DUSP8: variants seen among roughly 807,000 people sequenced by gnomAD.
DUSP8 encodes the protein dual specificity protein phosphatase 8.
Under a neutral mutation model 38.7 loss-of-function variants are expected in DUSP8, and 15 were observed. That is an observed-to-expected ratio of 0.39 (90% CI 0.26 to 0.60). The LOEUF is 0.60. Among genes scored for constraint, DUSP8 ranks in the 20% least tolerant of loss-of-function variants. The pLI is 0.56. For missense variants in DUSP8, 768 were observed against 915.0 expected, an observed-to-expected ratio of 0.84 and a Z score of 2.07; for synonymous variants, 458 against 433.9, an observed-to-expected ratio of 1.06 and a Z score of -0.69.
In DUSP8 at chr11:1,557,015, CG is replaced by C; in HGVS notation, c.1380del (p.Ala461ProfsTer14). 2 of 1,026,148 alleles carry C rather than the reference CG, an allele frequency of 1.9e-6. No homozygotes were observed. The highest frequency in any genetic ancestry group is 4.4e-5 in the South Asian group (1 of 22,536). The allele number at this position is 1,026,148 out of a possible 1,614,324, so 63.6% of individuals were successfully genotyped here. ...RPRPRRRPRP[P>X]AGSPARSPAH... Reference sequence around the variant, plus strand: ...GCGGGGGAGCGCGCGGGGGAGCCGGCGGGGGGCCGGGGCCGCCGGCGGGGCC... The same window carrying C: ...GCGGGGGAGCGCGCGGGGGAGCCGGCGGGGGCCGGGGCCGCCGGCGGGGCC... On this transcript the variant is annotated frameshift_variant, in exon 7 of 7. Transcript: ENST00000397374. LOFTEE classifies it high-confidence loss of function. This position sits in a 1 kb window ranked among gnomAD's most constrained non-coding sequence, Gnocchi z 9.9.
At chr11:1,563,139 CAGA>C (rs1261729806) in intron 3 of DUSP8, among the ~76,000 whole-genome samples, 2 of 152,140 alleles carry the variant, frequency 1.3e-5, no homozygotes, top group African/African-American at 4.8e-5. Flanking sequence ...AGAGGCCAGG[CAGA>C]AGGAGCCTGG....
chr11:1,568,581 G>T, intron 1 of DUSP8, among the ~76,000 whole-genome samples: 1 of 152,308 alleles, frequency 6.6e-6, no homozygotes, highest in East Asian at 1.9e-4. Context: ...CCACCACCAT[G>T]GAGCAGGCTC....
chr11:1,563,814 A>C (rs1264559348), intron 3 of DUSP8, 37 bp downstream of exon 3: 1 of 1,446,078 alleles, frequency 6.9e-7, no homozygotes, highest in Non-Finnish European at 9.2e-7. Context: ...CTGCTGGCGG[A>C]GCAAGTGCCT....
At chr11:1,569,677 C>T (rs528096180) in intron 1 of DUSP8, among the ~76,000 whole-genome samples, 2 of 152,232 alleles carry the variant, frequency 1.3e-5, no homozygotes, top group East Asian at 3.9e-4. Flanking sequence ...GAGTCCCAGG[C>T]CACCCCCAGC....
chr11:1,570,342 C>G (rs1413789423), intron 1 of DUSP8, among the ~76,000 whole-genome samples: 3 of 152,164 alleles, frequency 2.0e-5, no homozygotes, highest in Non-Finnish European at 4.4e-5. Context: ...TCAGCGGGTG[C>G]AGTTCTCATG....
Position 1,557,459 on chromosome 11 carries a change from G to A in DUSP8, c.937C>T (p.Pro313Ser). ...GGCGGAGGCTCCGGCGTCCCTGAGG[G>A]GGTGCCCGGGTCGCCCTGCAGGGCG... Reference protein sequence around the residue: ...LAALQGDPGTPSGTPEPPPSP... With the variant: ...LAALQGDPGTSSGTPEPPPSP... The change falls in exon 7 of 7, where the codon CCC becomes TCC. Residue 313 changes from proline to serine, a missense_variant. Coordinates refer to ENST00000397374, the MANE Select transcript of DUSP8 (RefSeq NM_004420.3). The surrounding 1 kb of genome is among the most constrained non-coding windows in gnomAD (Gnocchi z 9.9). The A allele has an allele frequency of 1.3e-6, 2 of 1,563,370 alleles. No homozygotes were observed. Among genetic ancestry groups the A allele is most frequent in the South Asian group, 1.2e-5 (1 of 85,656 alleles).
At chr11:1,559,188 GC>G in intron 3 of DUSP8, 133 bp from the exon 4 acceptor site, 1 of 880,046 alleles carries the variant, frequency 1.1e-6, no homozygotes, top group Non-Finnish European at 1.6e-6. Context: ...CCGAGCCTGA[GC>G]CCAGCCGGCA....
At chr11:1,569,620 C>T (rs76162355) in intron 1 of DUSP8, among the ~76,000 whole-genome samples, 6,773 of 152,232 alleles carry the variant, frequency 0.044, 191 homozygotes, top group Middle Eastern at 0.092. Flanking sequence ...CCACACCCAG[C>T]GTCTCTGTGC....
rs1038375867 is a variant in DUSP8, at chr11:1,566,002, C to T, written c.-108-68G>A. ...GGTGGCACCCAGAAGCTCCCCAGGA[C>T]AGATCAGAGCTGGGAGCTGCGCCCA... On this transcript the variant is annotated intron_variant, in intron 1 of 6. Coordinates refer to ENST00000397374, the MANE Select transcript of DUSP8 (RefSeq NM_004420.3). 6.6e-6 allele frequency: 4 copies of T among 602,626 alleles called. No homozygotes were observed. In the South Asian group the frequency reaches 7.9e-5, roughly 12 times the overall value. The allele number at this position is 602,626 out of a possible 1,614,324, so 37.3% of individuals were successfully genotyped here. A position where few individuals can be genotyped will look rare whatever the true frequency, so the allele number is the denominator to read the frequency against.
Position 1,557,070 on chromosome 11 carries a change from G to C in DUSP8, c.1326C>G (p.Ser442Arg), listed in dbSNP as rs1172727312. 8.1e-7 allele frequency: 1 copy of C among 1,227,922 alleles called. No homozygotes were observed. Among genetic ancestry groups the C allele is most frequent in the African/African-American group, 1.6e-5 (1 of 62,302 alleles). 76.1% of individuals were successfully genotyped at this position (1,227,922 alleles called of 1,614,324 possible). ...ALGLSSPSPD[S>R]PDAAPEARPR... The stretch of plus-strand genomic sequence containing the variant: ...GGCGCGCCTCAGGCGCGGCGTCCGG[G>C]CTGTCCGGGCTGGGCGAGGACAGGC... Residue 442 changes from serine (S) to arginine (R), a missense_variant, in exon 7 of 7, where the codon AGC becomes AGG. Ser to Arg is a moderately radical substitution (Grantham distance 110). Coordinates refer to ENST00000397374, the MANE Select transcript of DUSP8 (RefSeq NM_004420.3). The surrounding 1 kb of genome is among the most constrained non-coding windows in gnomAD (Gnocchi z 9.9).
Position 1,556,606 on chromosome 11 carries a change from A to G in DUSP8, c.1790T>C (p.Val597Ala), listed in dbSNP as rs1848628241. The stretch of plus-strand genomic sequence containing the variant: ...CTCCTCGCCGCGCGCGCGCCCCTCC[A>G]CCATGCCCTCCTCGAACTCCATCTG... ...SCQMEFEEGM[V>A]EGRARGEELA... The change falls in exon 7 of 7, where the codon GTG becomes GCG. Residue 597 changes from valine to alanine, a missense_variant. Coordinates refer to ENST00000397374, the MANE Select transcript of DUSP8 (RefSeq NM_004420.3). The surrounding 1 kb of genome is among the most constrained non-coding windows in gnomAD (Gnocchi z 5.2). 3 of 1,438,730 alleles carry G rather than the reference A, an allele frequency of 2.1e-6. No homozygotes were observed. The highest frequency in any genetic ancestry group is 2.7e-6 in the Non-Finnish European group (3 of 1,097,416). The allele number at this position is 1,438,730 out of a possible 1,614,324, so 89.1% of individuals were successfully genotyped here.
chr11:1,570,592 C>T (rs921373722), intron 1 of DUSP8, among the ~76,000 whole-genome samples: 7 of 151,758 alleles, frequency 4.6e-5, no homozygotes, highest in South Asian at 2.1e-4. Flanking sequence ...GAAGCCTCCC[C>T]GAGGACAGAG....
chr11:1,557,077 G>C lies in DUSP8; in HGVS notation c.1319C>G (p.Pro440Arg), dbSNP rs896347714. 1.6e-5 allele frequency: 20 copies of C among 1,263,282 alleles called. No homozygotes were observed. Among genetic ancestry groups the C allele is most frequent in the South Asian group, 2.3e-5 (1 of 43,292 alleles). 78.3% of individuals were successfully genotyped at this position (1,263,282 alleles called of 1,614,324 possible). The change falls in exon 7 of 7, where the codon CCG (proline) becomes CGG (arginine). Residue 440 changes from proline (P) to arginine (R), a missense_variant. By Grantham distance (103) the Pro-to-Arg change is moderately radical. Around this residue, in one of 3 missense-constraint regions of DUSP8, gnomAD observed 474 missense variants for 430.8 expected, o/e 1.10. Coordinates refer to ENST00000397374, the MANE Select transcript of DUSP8 (RefSeq NM_004420.3). This position sits in a 1 kb window ranked among gnomAD's most constrained non-coding sequence, Gnocchi z 9.9. ...CTCAGGCGCGGCGTCCGGGCTGTCC[G>C]GGCTGGGCGAGGACAGGCCCAGCGC... ...GAALGLSSPSPDSPDAAPEAR... is the reference protein window; with the variant it reads ...GAALGLSSPSRDSPDAAPEAR...
intron 3 of DUSP8, among the ~76,000 whole-genome samples, chr11:1,562,312 G>T (rs564968062): frequency 3.5e-4 from 54 of 152,260 alleles, no homozygotes; most frequent in African/African-American, 1.1e-3. Flanking sequence ...CCTCCAAGAA[G>T]AGTCTCCTGA....
intron 1 of DUSP8, among the ~76,000 whole-genome samples, chr11:1,568,362 T>G (rs1332122641): frequency 1.2e-4 from 10 of 86,196 alleles, no homozygotes; most frequent in African/African-American, 1.3e-4. Context: ...AGCTGCAGGG[T>G]GGTGGGCAGG....
chr11:1,562,785 A>G (rs1248600070), intron 3 of DUSP8, among the ~76,000 whole-genome samples: 3 of 152,182 alleles, frequency 2.0e-5, no homozygotes, highest in African/African-American at 7.2e-5. Context: ...ACAGACGCAC[A>G]GACACCCTCT....
At position 1,555,590 on chromosome 11, in the gene DUSP8, G is replaced by T; in HGVS notation, c.*928C>A. ...AGTGGAGCCAGCACTGGCTAGCCAG[G>T]CGCCTCCTGCCTGACCCCCGGAGGC... On this transcript the variant is annotated 3_prime_UTR_variant, in exon 7 of 7. Coordinates refer to ENST00000397374, the MANE Select transcript of DUSP8 (RefSeq NM_004420.3). 1 of 560,260 alleles carries T rather than the reference G, an allele frequency of 1.8e-6. No individual in the cohort carries two copies. Among genetic ancestry groups the T allele is most frequent in the Non-Finnish European group, 2.3e-6 (1 of 441,366 alleles). 34.7% of individuals were successfully genotyped at this position (560,260 alleles called of 1,614,324 possible).
rs904104418 is a variant in DUSP8, at chr11:1,556,480, C to T, written c.*38G>A. The stretch of plus-strand genomic sequence containing the variant: ...ATATATAATATACATTTATAACGGG[C>T]CTGGCTGCGGGCGGCGGGGCCGAGG... On this transcript the variant is annotated 3_prime_UTR_variant, in exon 7 of 7. Coordinates refer to ENST00000397374, the MANE Select transcript of DUSP8 (RefSeq NM_004420.3). This position sits in a 1 kb window ranked among gnomAD's most constrained non-coding sequence, Gnocchi z 5.2. The T allele has an allele frequency of 1.5e-5, 19 of 1,232,302 alleles. No homozygotes were observed. In the Admixed American group the frequency reaches 4.6e-4, roughly 30 times the overall value. The allele number at this position is 1,232,302 out of a possible 1,614,324, so 76.3% of individuals were successfully genotyped here.
intron 2 of DUSP8, 145 bp from the exon 3 acceptor site, chr11:1,564,134 G>T: frequency 9.6e-7 from 1 of 1,038,164 alleles, no homozygotes; most frequent in South Asian, 2.0e-5. Flanking sequence ...GGAGGGGAGG[G>T]CAGGTGCAGT....
Sources: allele counts gnomAD v4.1 joint callset (sites outside exome capture counted in the v4.1 genomes callset), GRCh38; gene constraint gnomAD v4.1.1; regional missense constraint gnomAD v4.1.1; non-coding constraint Gnocchi (gnomAD v3.1); transcripts MANE v1.5; gene names NCBI Gene and HGNC (gene_info 2026-07-23, HGNC 2026-07-21).